Variants in ZFHX3 observed in about 807,000 individuals in gnomAD.
ZFHX3 encodes the protein zinc finger homeobox protein 3.
ZFHX3 carries 42 observed loss-of-function variants against 279.1 expected under a neutral mutation model. The ratio of observed to expected loss-of-function variants is 0.15; its 90% CI spans 0.12 to 0.19. The LOEUF (loss-of-function observed/expected upper bound fraction) is 0.19. ZFHX3 is among the 10% of genes least tolerant of loss of function. The pLI, the probability that ZFHX3 is intolerant of heterozygous loss-of-function variation, is 1.00. For missense variants in ZFHX3, 4,981 were observed against 4,754.0 expected, an observed-to-expected ratio of 1.05 and a Z score of -1.40; for synonymous variants, 2,293 against 1,957.8, an observed-to-expected ratio of 1.17 and a Z score of -4.52.
At chr16:73,198,969 A>G (rs1968212084) in intron 5 of ZFHX3, among the ~76,000 whole-genome samples, 1 of 152,268 alleles carries the variant, frequency 6.6e-6, no homozygotes, top group Non-Finnish European at 1.5e-5. Context: ...AAAGAAAAAG[A>G]AATAAACAGA....
chr16:72,847,029 GGCAAATGCAGAAATTAGTTACTGCGGT>G (rs1276552843), intron 4 of ZFHX3, among the ~76,000 whole-genome samples: 11 of 152,288 alleles, frequency 7.2e-5, no homozygotes, highest in East Asian at 1.9e-4. Flanking sequence ...GGCTCAGAAT[GGCAAATGCAGAAATTAGTTACTGCGGT>G]GCAAATGCAG....
intron 1 of ZFHX3, among the ~76,000 whole-genome samples, chr16:73,698,751 TAGA>T (rs2053220320): frequency 2.0e-5 from 3 of 152,272 alleles, no homozygotes; most frequent in East Asian, 1.9e-4. Context: ...ATGTCACAGA[TAGA>T]AGGAGACTAA....
chr16:73,161,895 G>A (rs1007995895), intron 5 of ZFHX3, among the ~76,000 whole-genome samples: 1 of 152,206 alleles, frequency 6.6e-6, no homozygotes, highest in Admixed American at 6.5e-5. Flanking sequence ...ACTTTCAACT[G>A]AGAAGAAGAG....
intron 4 of ZFHX3, among the ~76,000 whole-genome samples, chr16:73,300,605 G>A (rs2015031034): frequency 6.6e-6 from 1 of 152,186 alleles, no homozygotes; most frequent in Non-Finnish European, 1.5e-5. Context: ...CCAGGTTCAG[G>A]TGATGCTCAT....
chr16:73,210,314 G>C (rs1055713652), intron 5 of ZFHX3, among the ~76,000 whole-genome samples: 2 of 152,116 alleles, frequency 1.3e-5, no homozygotes, highest in South Asian at 2.1e-4. Flanking sequence ...AACGGCAAGG[G>C]ATAAGGGCAA....
At chr16:73,858,325 A>G (rs1403909982) in intron 1 of ZFHX3, among the ~76,000 whole-genome samples, 1 of 152,204 alleles carries the variant, frequency 6.6e-6, no homozygotes, top group Non-Finnish European at 1.5e-5. Context: ...GGAAGACCTG[A>G]ATATTGAAAG....
chr16:73,454,599 A>G (rs555272406), intron 3 of ZFHX3, among the ~76,000 whole-genome samples: 1 of 149,672 alleles, frequency 6.7e-6, no homozygotes, highest in Admixed American at 6.7e-5. Flanking sequence ...AGCCATTTAC[A>G]CAGATCTCAA....
chr16:73,189,291 T>C lies in ZFHX3; in HGVS notation c.-1103-45460A>G, dbSNP rs191612379. ...GGGGATTCCAAACCCTTTCCGGGCA[T>C]GCCAAAGGCCAGTGAGCAGCTAGCA... On this transcript the variant is annotated intron_variant, in intron 5 of 17. Transcript: ENST00000641206. Among the ~76,000 whole-genome samples the C allele has an allele frequency of 5.5e-3, 841 of 152,352 alleles. 7 individuals carry two copies. The highest frequency in any genetic ancestry group is 9.6e-3 in the Non-Finnish European group (655 of 68,040).
chr16:73,830,858 A>G (rs1487580021), intron 1 of ZFHX3, among the ~76,000 whole-genome samples: 1 of 152,212 alleles, frequency 6.6e-6, no homozygotes, highest in Non-Finnish European at 1.5e-5. Context: ...GCAAATGAAC[A>G]GAAGCCAGCA....
At position 72,784,649 on chromosome 16, in the gene ZFHX3, G is replaced by A. The variant is rs1454989285; in HGVS notation, c.*2515C>T. On this transcript the variant is annotated 3_prime_UTR_variant, in exon 10 of 10. Coordinates refer to ENST00000268489, the MANE Select transcript of ZFHX3 (RefSeq NM_006885.4). ...AAAATGTTCATCTCAAACACAGGAA[G>A]AAATACAAGATTTCTTGTTAAAAGG... 7 of 152,242 alleles carry A rather than the reference G, an allele frequency of 4.6e-5. No homozygotes were observed. The highest frequency in any genetic ancestry group is 7.4e-5 in the Non-Finnish European group (5 of 67,952). The allele number at this position is 152,242 out of a possible 1,614,324, so 9.4% of individuals were successfully genotyped here.
intron 3 of ZFHX3, among the ~76,000 whole-genome samples, chr16:72,910,811 C>CA (rs1006271608): frequency 4.5e-4 from 68 of 152,114 alleles, no homozygotes; most frequent in Middle Eastern, 3.4e-3. Context: ...CAAAACAAAA[C>CA]AAAAAAACAG....
At chr16:73,777,246 G>C (rs1286707510) in intron 1 of ZFHX3, among the ~76,000 whole-genome samples, 1 of 152,152 alleles carries the variant, frequency 6.6e-6, no homozygotes, top group African/African-American at 2.4e-5. Context: ...GCTCATGCCT[G>C]TAATCCCAGC....
Position 72,959,806 on chromosome 16 carries a change from T to C in ZFHX3, c.340A>G (p.Ser114Gly), listed in dbSNP as rs758777652. The change falls in exon 2 of 10, where the codon AGC (serine) becomes GGC (glycine). Residue 114 changes from serine (S) to glycine (G), a missense_variant. Coordinates refer to ENST00000268489, the MANE Select transcript of ZFHX3 (RefSeq NM_006885.4). ...PPPPLREESA[S>G]DTGEEGDEES... is the part of the protein sequence containing the mutation. ...TCGTCCCCCTCCTCACCGGTGTCGC[T>C]GGCGCTCTCCTCTCTCAGGGGTGGC... 2 of 1,596,318 alleles carry C rather than the reference T, an allele frequency of 1.3e-6. No individual in the cohort carries two copies. Among genetic ancestry groups the C allele is most frequent in the South Asian group, 2.3e-5 (2 of 88,420 alleles).
At chr16:73,884,046 A>T (rs564119139) in intron 1 of ZFHX3, among the ~76,000 whole-genome samples, 1 of 152,342 alleles carries the variant, frequency 6.6e-6, no homozygotes, top group East Asian at 1.9e-4. Context: ...TACGTGAACC[A>T]CACATAGAGT....
At chr16:73,585,448 G>A (rs570614660) in intron 2 of ZFHX3, among the ~76,000 whole-genome samples, 23 of 152,206 alleles carry the variant, frequency 1.5e-4, no homozygotes, top group South Asian at 6.2e-4. Flanking sequence ...GGGGCTTGTC[G>A]GGAGGTGGGG....
intron 4 of ZFHX3, among the ~76,000 whole-genome samples, chr16:72,870,375 G>C (rs1391737934): frequency 6.6e-6 from 1 of 150,966 alleles, no homozygotes; most frequent in Non-Finnish European, 1.5e-5. Context: ...CTGGGTGACA[G>C]AGCTACAGAG....
chr16:73,122,053 T>A (rs1966505603), intron 7 of ZFHX3, among the ~76,000 whole-genome samples: 1 of 152,146 alleles, frequency 6.6e-6, no homozygotes. Context: ...TGTGTCTCTC[T>A]CCCCACTAAG....
intron 2 of ZFHX3, among the ~76,000 whole-genome samples, chr16:73,547,052 C>T (rs907136940): frequency 1.3e-5 from 2 of 151,930 alleles, no homozygotes; most frequent in African/African-American, 4.8e-5. Context: ...GAGAGGGGTC[C>T]TTTTCTTACA....
At chr16:73,366,695 CA>C (rs1403173710) in intron 3 of ZFHX3, among the ~76,000 whole-genome samples, 1 of 151,604 alleles carries the variant, frequency 6.6e-6, no homozygotes, top group Non-Finnish European at 1.5e-5. Context: ...ATATTGTTGG[CA>C]AAAGTATGTG....
Sources: gnomAD v4.1 joint callset for allele counts (sites outside exome capture counted in the v4.1 genomes callset) on GRCh38, gnomAD v4.1.1 for gene constraint, MANE v1.5 for transcripts, NCBI Gene and HGNC (gene_info 2026-07-23, HGNC 2026-07-21) for gene names.